Variants in PAX2 observed in about 807,000 individuals in gnomAD.
The protein encoded by PAX2 is paired box protein Pax-2.
In PAX2, 9 loss-of-function variants were observed where a neutral mutation model predicts 41.7. The observed-to-expected ratio is 0.22, with a 90% confidence interval of 0.13 to 0.38. The LOEUF (loss-of-function observed/expected upper bound fraction) is 0.38, where lower values mean the gene tolerates loss of function less well. PAX2 is among the 10% of genes least tolerant of loss of function. The pLI is 1.00. For synonymous variants in PAX2, 221 were observed against 212.7 expected (o/e 1.04, Z -0.34); for missense variants, 418 against 531.6 (o/e 0.79, Z 2.10).
intron 4 of PAX2, 139 bp from the exon 5 acceptor site, chr10:100,781,107 G>A (rs933803402): frequency 2.4e-6 from 2 of 827,976 alleles, no homozygotes; most frequent in African/African-American, 3.3e-5. Context: ...AGAGGAAGTA[G>A]AGGAATGAGA....
intron 1 of PAX2, among the ~76,000 whole-genome samples, chr10:100,737,649 A>G (rs1589796243): frequency 6.6e-6 from 1 of 152,156 alleles, no homozygotes; most frequent in Non-Finnish European, 1.5e-5. Context: ...CCGCCCTCCC[A>G]GCCGCCTTCT....
chr10:100,779,698 G>A, intron 4 of PAX2, 115 bp downstream of exon 4: 1 of 782,332 alleles, frequency 1.3e-6, no homozygotes, highest in Non-Finnish European at 2.2e-6. Context: ...CAACCTATTT[G>A]CCAACTCCTC....
rs1471764663 is a variant in PAX2 at position 100,809,190 on chromosome 10, G to A, written c.873G>A (p.Glu291=). The A allele has an allele frequency of 6.2e-7, 1 of 1,613,996 alleles. No homozygotes were observed. Among genetic ancestry groups the A allele is most frequent in the Admixed American group, 1.7e-5 (1 of 60,034 alleles). ...KSSLSASTNP[E]LGSNVSGTQT... ...GTCTATCTGCATCCACCAACCCTGAGCTGGGCAGCAACGTGTCAGGCACAC... is the reference window on the plus strand; with the variant it reads ...GTCTATCTGCATCCACCAACCCTGAACTGGGCAGCAACGTGTCAGGCACAC... Residue 291 remains glutamate, a synonymous_variant, in exon 7 of 10, where the codon GAG becomes GAA. Transcript: ENST00000355243.
chr10:100,741,602 G>T (rs1001578238), upstream of PAX2, among the ~76,000 whole-genome samples: 1 of 152,126 alleles, frequency 6.6e-6, no homozygotes, highest in African/African-American at 2.4e-5. Context: ...CCTGGGGTGC[G>T]CCGGGACCCA....
chr10:100,738,891 C>T (rs1455151620), intron 1 of PAX2, among the ~76,000 whole-genome samples: 4 of 152,032 alleles, frequency 2.6e-5, no homozygotes, highest in Non-Finnish European at 5.9e-5. Flanking sequence ...GTTCGGGGAA[C>T]GGATGGCTCT....
At chr10:100,769,669 T>TAAAAA (rs1009617472) in intron 3 of PAX2, among the ~76,000 whole-genome samples, 1 of 143,252 alleles carries the variant, frequency 7.0e-6, no homozygotes, top group South Asian at 2.3e-4. Context: ...TAAAATAAAA[T>TAAAAA]AAAAAAATAA....
intron 1 of PAX2, among the ~76,000 whole-genome samples, chr10:100,739,486 C>A (rs1182264391): frequency 6.6e-6 from 1 of 152,212 alleles, no homozygotes; most frequent in African/African-American, 2.4e-5. Flanking sequence ...TTGGTGCCGG[C>A]TCGCAACTCT....
intron 1 of PAX2, among the ~76,000 whole-genome samples, chr10:100,740,272 T>G (rs1391767605): frequency 6.7e-6 from 1 of 149,166 alleles, no homozygotes. Flanking sequence ...GTGGTGGTGG[T>G]TGGGGGGTGG....
At chr10:100,811,602 C>T (rs1019086428) in intron 7 of PAX2, among the ~76,000 whole-genome samples, 1 of 152,194 alleles carries the variant, frequency 6.6e-6, no homozygotes, top group Non-Finnish European at 1.5e-5. Context: ...AGCTGGAGTG[C>T]GGGAGAGGCC....
rs1347274198 is a variant in PAX2, at chr10:100,826,694, G to A, written c.1022-315G>A. On this transcript the variant is annotated intron_variant, in intron 8 of 9. Coordinates refer to ENST00000355243, the MANE Select transcript of PAX2 (RefSeq NM_000278.5). The surrounding 1 kb of genome is among the most constrained non-coding windows in gnomAD (Gnocchi z 5.5). ...GCCCTGGCCCCCAGCGCGACAGGGT[G>A]GACGCGCCCCAATACAAACCCTTCG... Among the ~76,000 whole-genome samples, 1 of 152,232 alleles carries A rather than the reference G, an allele frequency of 6.6e-6. No homozygotes were observed. Among genetic ancestry groups the A allele is most frequent in the Non-Finnish European group, 1.5e-5 (1 of 68,040 alleles).
intron 7 of PAX2, among the ~76,000 whole-genome samples, chr10:100,823,846 G>C (rs995267160): frequency 6.6e-6 from 1 of 152,138 alleles, no homozygotes; most frequent in Non-Finnish European, 1.5e-5. Flanking sequence ...GTGGACCAGG[G>C]GTAGCACCCT....
chr10:100,810,278 C>T lies in PAX2; in HGVS notation c.919+1042C>T, dbSNP rs908111476. ...TTCTGCCTGTGAGCTGGTCTGAGTG[C>T]GGCTGCATTTGAGCCTGAGCTGGGC... On this transcript the variant is annotated intron_variant, in intron 7 of 9. Transcript: ENST00000355243. Among the ~76,000 whole-genome samples, 3 of 152,100 alleles carry T rather than the reference C, an allele frequency of 2.0e-5. No individual in the cohort carries two copies. In the South Asian group the frequency reaches 6.2e-4, roughly 32 times the overall value.
chr10:100,747,925 C>A, intron 1 of PAX2: 1 of 983,614 alleles, frequency 1.0e-6, no homozygotes, highest in Non-Finnish European at 1.2e-6. Context: ...CCTGGCTGCC[C>A]GCGGGCAGCC....
At chr10:100,823,918 G>A (rs1227473634) in intron 7 of PAX2, among the ~76,000 whole-genome samples, 1 of 152,206 alleles carries the variant, frequency 6.6e-6, no homozygotes, top group African/African-American at 2.4e-5. Flanking sequence ...TCCAGGGACA[G>A]AAGTCCAGCA....
At chr10:100,751,547 C>T (rs1175141541) in intron 3 of PAX2, among the ~76,000 whole-genome samples, 1 of 152,232 alleles carries the variant, frequency 6.6e-6, no homozygotes, top group African/African-American at 2.4e-5. Context: ...CCCTCAACCA[C>T]CTAAGGTGCC....
chr10:100,777,830 T>C (rs1933214516), intron 3 of PAX2, among the ~76,000 whole-genome samples: 1 of 152,234 alleles, frequency 6.6e-6, no homozygotes, highest in South Asian at 2.1e-4. Flanking sequence ...AAATTGTGTA[T>C]AATATTGGCA....
At chr10:100,752,521 T>C (rs1215657356) in intron 3 of PAX2, among the ~76,000 whole-genome samples, 1 of 151,994 alleles carries the variant, frequency 6.6e-6, no homozygotes, top group Non-Finnish European at 1.5e-5. Context: ...TGGGCATGAG[T>C]TGGAACTGAG....
chr10:100,761,643 C>T (rs942833290), intron 3 of PAX2, among the ~76,000 whole-genome samples: 6 of 152,186 alleles, frequency 3.9e-5, no homozygotes, highest in Admixed American at 1.3e-4. Flanking sequence ...GCTGCCCAAG[C>T]GAGTACTCTG....
At chr10:100,790,851 G>C (rs1427176408) in intron 5 of PAX2, among the ~76,000 whole-genome samples, 1 of 152,210 alleles carries the variant, frequency 6.6e-6, no homozygotes, top group African/African-American at 2.4e-5. Flanking sequence ...CATTGGGGTG[G>C]AAAGGCATAG....
Sources: allele counts gnomAD v4.1 joint callset (sites outside exome capture counted in the v4.1 genomes callset), GRCh38; gene constraint gnomAD v4.1.1; non-coding constraint Gnocchi (gnomAD v3.1); transcripts MANE v1.5; gene names NCBI Gene and HGNC (gene_info 2026-07-23, HGNC 2026-07-21).